The following TM7SF2 variants were observed in gnomAD, a reference collection of about 807,000 sequenced individuals.
TM7SF2 encodes the protein transmembrane 7 superfamily member 2.
Under a neutral mutation model 51.0 loss-of-function variants are expected in TM7SF2, and 51 were observed. The observed-to-expected ratio is 1.00, with a 90% CI of 0.80 to 1.26. The LOEUF (loss-of-function observed/expected upper bound fraction) is 1.26, where lower values mean the gene tolerates loss of function less well. Ranked by LOEUF, TM7SF2 falls within the 50% of genes most tolerant of loss-of-function variation. The pLI is 0.00. For synonymous variants in TM7SF2, 255 were observed against 241.0 expected (o/e 1.06, Z -0.54); for missense variants, 541 against 547.4 (o/e 0.99, Z 0.12).
Position 65,113,473 on chromosome 11 carries a change from C to A in TM7SF2, c.500-18C>A. The A allele has an allele frequency of 6.2e-7, 1 of 1,614,090 alleles. No homozygotes were observed. The highest frequency in any genetic ancestry group is 8.5e-7 in the Non-Finnish European group (1 of 1,179,904). ...ATTGGGGCGTCTGCCTGTACATTCA[C>A]TCTCCAATATTCTCCAGGCAATCCG... is the stretch of plus-strand genomic sequence containing the variant. On this transcript the variant is annotated intron_variant, in intron 4 of 9. Transcript: ENST00000279263.
Position 65,115,555 on chromosome 11 carries a change from T to C in TM7SF2, c.1053T>C (p.Tyr351=). Residue 351 remains tyrosine, a synonymous_variant, in exon 9 of 10, where the codon TAT becomes TAC. Coordinates refer to ENST00000279263, the MANE Select transcript of TM7SF2 (RefSeq NM_003273.6). ...GGGGTATGGTCCGCCATCCCAACTATCTTGGAGACCTCATCATGGCTCTGG... is the reference window on the plus strand; with the variant it reads ...GGGGTATGGTCCGCCATCCCAACTACCTTGGAGACCTCATCATGGCTCTGG... ...GWWGMVRHPN[Y]LGDLIMALAW... is the part of the protein sequence containing the mutation. The C allele has an allele frequency of 6.2e-7, 1 of 1,614,082 alleles. No individual in the cohort carries two copies. Among genetic ancestry groups the C allele is most frequent in the Admixed American group, 1.7e-5 (1 of 60,022 alleles).
chr11:65,115,829 A>C, intron 9 of TM7SF2, 64 bp from the exon 10 acceptor site: 1 of 1,612,312 alleles, frequency 6.2e-7, no homozygotes, highest in Non-Finnish European at 8.5e-7. Context: ...TGAGGTGTGG[A>C]AACGTTTGTG....
chr11:65,112,784 C>G, intron 2 of TM7SF2, 27 bp from the exon 3 acceptor site: 1 of 1,550,146 alleles, frequency 6.5e-7, no homozygotes, highest in Non-Finnish European at 8.7e-7. Context: ...CGCCCCGGGC[C>G]TTATCAGAGC....
At chr11:65,113,798 A>T in intron 5 of TM7SF2, 1 of 601,770 alleles carries the variant, frequency 1.7e-6, no homozygotes, top group South Asian at 2.0e-5. Context: ...TGCTGCAGAG[A>T]GCCTACATTC....
chr11:65,113,125 T>C, intron 3 of TM7SF2, 95 bp from the exon 4 acceptor site: 2 of 1,340,304 alleles, frequency 1.5e-6, no homozygotes, highest in Non-Finnish European at 2.0e-6. Context: ...TGGGGCAGGG[T>C]CTGTGGCCCC....
intron 9 of TM7SF2, 118 bp from the exon 10 acceptor site, chr11:65,115,775 A>T (rs1565325801): frequency 6.3e-7 from 1 of 1,579,964 alleles, no homozygotes; most frequent in Non-Finnish European, 8.7e-7. Context: ...TTTGCTGCAG[A>T]CCCTGGCGCT....
intron 7 of TM7SF2, 33 bp downstream of exon 7, chr11:65,115,114 T>C (rs1418966110): frequency 6.8e-6 from 11 of 1,607,918 alleles, no homozygotes; most frequent in South Asian, 3.3e-5. Context: ...GCTGGGCCCA[T>C]CTTCCCCCTA....
rs1320771702 is a variant in TM7SF2, at chr11:65,116,187, G to A, written c.*134G>A. Reference sequence around the variant, plus strand: ...CCTGAGGATGAACAACCTCAGAGAAGAGGTGGTTTAGAGCAAGGAAAAAAA... The same window carrying A: ...CCTGAGGATGAACAACCTCAGAGAAAAGGTGGTTTAGAGCAAGGAAAAAAA... On this transcript the variant is annotated 3_prime_UTR_variant, in exon 10 of 10. Coordinates refer to ENST00000279263, the MANE Select transcript of TM7SF2 (RefSeq NM_003273.6). 6 of 1,293,972 alleles carry A rather than the reference G, an allele frequency of 4.6e-6. No homozygotes were observed. Among genetic ancestry groups the A allele is most frequent in the African/African-American group, 4.5e-5 (3 of 67,150 alleles). 80.2% of individuals were successfully genotyped at this position (1,293,972 alleles called of 1,614,324 possible). A position where few individuals can be genotyped will look rare whatever the true frequency, so the allele number is the denominator to read the frequency against.
chr11:65,112,200 T>G lies in TM7SF2; in HGVS notation c.52+133T>G. 5 of 929,852 alleles carry G rather than the reference T, an allele frequency of 5.4e-6. No individual in the cohort carries two copies. In the South Asian group the frequency reaches 8.3e-5, roughly 15 times the overall value. The allele number at this position is 929,852 out of a possible 1,614,324, so 57.6% of individuals were successfully genotyped here. ...GTCGGAGGCAGAGGGACCCGGGGGTTTGCAGCGAAGGGTGTCTGGAGAGGG... is the reference window on the plus strand; with the variant it reads ...GTCGGAGGCAGAGGGACCCGGGGGTGTGCAGCGAAGGGTGTCTGGAGAGGG... On this transcript the variant is annotated intron_variant, in intron 1 of 9. Coordinates refer to ENST00000279263, the MANE Select transcript of TM7SF2 (RefSeq NM_003273.6).
At position 65,113,885 on chromosome 11, in the gene TM7SF2, C is replaced by G; in HGVS notation, c.603+291C>G. On this transcript the variant is annotated intron_variant, in intron 5 of 9. Transcript: ENST00000279263. Reference sequence around the variant, plus strand: ...TGACGTTAGGAGAGCACGTGCAATTCTCAACAGCAGTCAAGCACAGAATCT... The same window carrying G: ...TGACGTTAGGAGAGCACGTGCAATTGTCAACAGCAGTCAAGCACAGAATCT... 5 of 447,842 alleles carry G rather than the reference C, an allele frequency of 1.1e-5. No homozygotes were observed. In the South Asian group the frequency reaches 1.1e-4, roughly 10 times the overall value. 27.7% of individuals were successfully genotyped at this position (447,842 alleles called of 1,614,324 possible).
chr11:65,115,177 C>A (rs964125905), intron 7 of TM7SF2, 96 bp downstream of exon 7: 1 of 1,595,060 alleles, frequency 6.3e-7, no homozygotes, highest in Non-Finnish European at 8.6e-7. Flanking sequence ...TGCTAACCCC[C>A]AGGGTTCTCT....
chr11:65,115,020 C>G lies in TM7SF2; in HGVS notation c.831C>G (p.Phe277Leu). The G allele has an allele frequency of 6.2e-7, 1 of 1,614,144 alleles. No homozygotes were observed. The highest frequency in any genetic ancestry group is 2.2e-5 in the East Asian group (1 of 44,886). Residue 277 changes from phenylalanine to leucine, a missense_variant, in exon 7 of 10, where the codon TTC becomes TTG. By Grantham distance (22) the Phe-to-Leu change is conservative. Transcript: ENST00000279263. ...TCACCTACAGCCTGCAGGCCCAGTT[C>G]CTGCTGCACCACCCGCAGCCCCTGG... The part of the protein sequence containing the change: ...VPFTYSLQAQ[F>L]LLHHPQPLGL...
At chr11:65,112,901 C>A (rs749147360) in intron 3 of TM7SF2, 36 bp downstream of exon 3, 33 of 1,548,924 alleles carry the variant, frequency 2.1e-5, no homozygotes, top group Non-Finnish European at 2.9e-5. Flanking sequence ...TGGAGTTAAG[C>A]GGCCGGGGGT....
chr11:65,112,736 C>A (rs987872189), intron 2 of TM7SF2, 25 bp downstream of exon 2: 2 of 1,548,656 alleles, frequency 1.3e-6, no homozygotes, highest in East Asian at 2.4e-5. Flanking sequence ...CGCGGACGCT[C>A]GGGGGAGGGA....
In TM7SF2 at chr11:65,115,565, C is replaced by T; in HGVS notation, c.1063C>T (p.Leu355Phe). 1 of 1,614,072 alleles carries T rather than the reference C, an allele frequency of 6.2e-7. No homozygotes were observed. The highest frequency in any genetic ancestry group is 8.5e-7 in the Non-Finnish European group (1 of 1,180,014). Residue 355 changes from leucine to phenylalanine, a missense_variant, in exon 9 of 10, where the codon CTC becomes TTC. By Grantham distance (22) the Leu-to-Phe change is conservative. Transcript: ENST00000279263. ...MVRHPNYLGD[L>F]IMALAWSLPC... ...CCGCCATCCCAACTATCTTGGAGAC[C>T]TCATCATGGCTCTGGCTTGGTCCTT...
At chr11:65,114,631 G>A (rs748423693) in intron 5 of TM7SF2, 82 bp from the exon 6 acceptor site, 1 of 1,512,388 alleles carries the variant, frequency 6.6e-7, no homozygotes, top group Non-Finnish European at 8.9e-7. Context: ...GTAACTGACA[G>A]TTGAGAAGGG....
Position 65,114,704 on chromosome 11 carries a change from T to C in TM7SF2, c.604-9T>C, listed in dbSNP as rs1224997554. On this transcript the variant is annotated splice_polypyrimidine_tract_variant and intron_variant, in intron 5 of 9. Coordinates refer to ENST00000279263, the MANE Select transcript of TM7SF2 (RefSeq NM_003273.6). ...CTGTGGAGACTATTGCCTTGTTCCC[T>C]CTCCCCAGGTCCTCATCAACCTGGC... 5 of 1,613,588 alleles carry C rather than the reference T, an allele frequency of 3.1e-6. No individual in the cohort carries two copies. Among genetic ancestry groups the C allele is most frequent in the Non-Finnish European group, 4.2e-6 (5 of 1,179,720 alleles).
intron 1 of TM7SF2, 37 bp downstream of exon 1, chr11:65,112,104 TAAGCGA>T (rs1431931541): frequency 6.4e-7 from 1 of 1,573,256 alleles, no homozygotes. Flanking sequence ...GGGCAAAGGC[TAAGCGA>T]AGGAGAGCTG....
intron 3 of TM7SF2, 93 bp downstream of exon 3, chr11:65,112,958 C>T (rs1947929333): frequency 6.9e-7 from 1 of 1,452,812 alleles, no homozygotes; most frequent in East Asian, 2.5e-5. Context: ...GGCCCCCACC[C>T]CAGGCTCCTT....
Sources: gnomAD v4.1 joint callset for allele counts on GRCh38, gnomAD v4.1.1 for gene constraint, MANE v1.5 for transcripts, NCBI Gene and HGNC (gene_info 2026-07-23, HGNC 2026-07-21) for gene names.